LPIN1: variants seen among roughly 807,000 people sequenced by gnomAD.
LPIN1 encodes phosphatidate phosphatase LPIN1.
A neutral mutation model predicts 107.5 loss-of-function variants in LPIN1; 71 were observed. The ratio of observed to expected loss-of-function variants is 0.66; its 90% confidence interval spans 0.55 to 0.80. LPIN1 has a LOEUF of 0.80. Ranked by LOEUF, LPIN1 falls within the 30% of genes least tolerant of loss-of-function variation. The pLI is 0.00. For synonymous variants in LPIN1, 445 were observed against 452.6 expected (o/e 0.98, Z 0.21); for missense variants, 1,043 against 1,160.6 (o/e 0.90, Z 1.47).
intron 1 of LPIN1, among the ~76,000 whole-genome samples, chr2:11,746,928 G>T (rs1420232678): frequency 1.3e-5 from 2 of 152,212 alleles, no homozygotes; most frequent in African/African-American, 2.4e-5. Flanking sequence ...TTCCTGACGC[G>T]CCGCGAGGCC....
chr2:11,736,438 C>T (rs1195395155), intron 1 of LPIN1, among the ~76,000 whole-genome samples: 1 of 152,174 alleles, frequency 6.6e-6, no homozygotes, highest in African/African-American at 2.4e-5. Flanking sequence ...TCCTCCTCTT[C>T]TTATAAGGGC....
At position 11,803,924 on chromosome 2, in the gene LPIN1, A is replaced by G. The variant is rs1678202726; in HGVS notation, c.2014-499A>G. Among the ~76,000 whole-genome samples, 1 of 152,188 alleles carries G rather than the reference A, an allele frequency of 6.6e-6. No homozygotes were observed. The highest frequency in any genetic ancestry group is 6.5e-5 in the Admixed American group (1 of 15,284). On this transcript the variant is annotated intron_variant, in intron 15 of 20. Transcript: ENST00000674199. This position sits in a 1 kb window ranked among gnomAD's most constrained non-coding sequence, Gnocchi z 4.2. ...GGATATGAGGCATGACTGATAACCA[A>G]GACTTCTCTTTTTCCAATTCGTGTC...
chr2:11,705,604 C>T lies in LPIN1; in HGVS notation c.82-8152C>T, dbSNP rs190877271. Among the ~76,000 whole-genome samples, 579 of 152,080 alleles carry T rather than the reference C, an allele frequency of 3.8e-3. 6 individuals carry two copies. The highest frequency in any genetic ancestry group is 0.013 in the African/African-American group (553 of 41,474). ...CTATCCAGTGGAAGCGTGTCTCGGA[C>T]AGGGAGAGTAGCATGTGCAAAGGCT... On this transcript the variant is annotated intron_variant, in intron 1 of 21. Transcript: ENST00000449576.
At position 11,787,392 on chromosome 2, in the gene LPIN1, CTTTTTCTTTTTTT is replaced by C. The variant is rs1348684503; in HGVS notation, c.1643+231_1643+243del. On this transcript the variant is annotated intron_variant, in intron 11 of 20. Coordinates refer to ENST00000674199, the MANE Select transcript of LPIN1 (RefSeq NM_001349206.2). ...AGTCTTGTGAGTTTTCTTTTCTTTTCTTTTTCTTTTTTTTTTTTTTTTTTTTGCGACAAGGTGT... is the reference window on the plus strand; with the variant it reads ...AGTCTTGTGAGTTTTCTTTTCTTTTCTTTTTTTTTTTTTGCGACAAGGTGT... Among the ~76,000 whole-genome samples the C allele has an allele frequency of 1.5e-4, 17 of 113,690 alleles. 1 individual carries two copies. In the East Asian group the frequency reaches 2.1e-3, roughly 14 times the overall value. 74.6% of individuals were successfully genotyped at this position (113,690 alleles called of 152,430 possible).
At chr2:11,689,343 A>G (rs998019022) in intron 1 of LPIN1, among the ~76,000 whole-genome samples, 8 of 152,210 alleles carry the variant, frequency 5.3e-5, no homozygotes, top group African/African-American at 1.9e-4. Flanking sequence ...GAAGTTCTAC[A>G]ATGGACTTTT....
intron 1 of LPIN1, among the ~76,000 whole-genome samples, chr2:11,760,645 C>T (rs552659382): frequency 1.1e-4 from 16 of 151,622 alleles, no homozygotes; most frequent in Admixed American, 5.2e-4. Context: ...AGTCCAGCTT[C>T]GGCTCGGCAT....
rs759076614 is a variant in LPIN1 at position 11,804,447 on chromosome 2, C to T, written c.2038C>T (p.Pro680Ser). 16 of 1,614,028 alleles carry T rather than the reference C, an allele frequency of 9.9e-6. No individual in the cohort carries two copies. The highest frequency in any genetic ancestry group is 1.3e-5 in the Non-Finnish European group (15 of 1,180,048). The change falls in exon 16 of 21, where the codon CCC becomes TCC. Residue 680 changes from proline to serine, a missense_variant. Pro to Ser is a moderately conservative substitution (Grantham distance 74). Transcript: ENST00000674199. Reference sequence around the variant, plus strand: ...GAAAAGCTTGAAGTTGAAGAATGGCCCCAACGACGTGGTTTTCAGTGTCAC... The same window carrying T: ...GAAAAGCTTGAAGTTGAAGAATGGCTCCAACGACGTGGTTTTCAGTGTCAC... ...QLKSLKLKNG[P>S]NDVVFSVTTQ...
chr2:11,795,546 G>A (rs185031888), intron 14 of LPIN1, 59 bp downstream of exon 14: 19 of 1,448,126 alleles, frequency 1.3e-5, no homozygotes, highest in Non-Finnish European at 1.6e-5. Flanking sequence ...AGTTCATGGC[G>A]TGTGCTGCCT....
intron 1 of LPIN1, among the ~76,000 whole-genome samples, chr2:11,700,907 A>C (rs775480837): frequency 2.5e-4 from 38 of 152,228 alleles, no homozygotes; most frequent in Middle Eastern, 3.4e-3. Context: ...TCTGCAACCA[A>C]GACTTGGGTC....
At chr2:11,802,474 A>G (rs1445777578) in intron 14 of LPIN1, among the ~76,000 whole-genome samples, 1 of 152,118 alleles carries the variant, frequency 6.6e-6, no homozygotes, top group African/African-American at 2.4e-5. Context: ...TTGGAGTTGT[A>G]TATTTGGCGA....
At chr2:11,760,686 AGACG>A (rs1289800020) in intron 1 of LPIN1, among the ~76,000 whole-genome samples, 2 of 150,554 alleles carry the variant, frequency 1.3e-5, no homozygotes, top group Admixed American at 1.3e-4. Flanking sequence ...AGGGACAGGG[AGACG>A]GTGGGGAGAG....
intron 11 of LPIN1, among the ~76,000 whole-genome samples, chr2:11,788,153 C>G (rs753165306): frequency 7.2e-5 from 11 of 152,204 alleles, no homozygotes; most frequent in Admixed American, 6.5e-5. Context: ...GCATGTCCAA[C>G]TGTCTGCCCT....
In LPIN1 at chr2:11,795,427, G is replaced by A. The variant is rs1179804012; in HGVS notation, c.1826G>A (p.Cys609Tyr). The change falls in exon 14 of 21, where the codon TGC becomes TAC. Residue 609 changes from cysteine to tyrosine, a missense_variant. Transcript: ENST00000674199. ...TTCTAGGAAAGTAAGCCAGAGCAGT[G>A]CTTGGCTGGCAAGGCCCATAGCACC... is the stretch of plus-strand genomic sequence containing the variant. The part of the protein sequence containing the change: ...TIKEESKPEQ[C>Y]LAGKAHSTGE... The A allele has an allele frequency of 6.2e-7, 1 of 1,613,926 alleles. No homozygotes were observed. The highest frequency in any genetic ancestry group is 1.3e-5 in the African/African-American group (1 of 74,942).
At chr2:11,722,381 A>G (rs1664209021), upstream of LPIN1, 1 of 152,288 alleles carries the variant, frequency 6.6e-6, no homozygotes. Context: ...AGCTTCAGAT[A>G]TCACACTTAG....
At chr2:11,808,877 A>AG (rs1679171627) in intron 17 of LPIN1, among the ~76,000 whole-genome samples, 1 of 150,316 alleles carries the variant, frequency 6.7e-6, no homozygotes, top group African/African-American at 2.4e-5. Flanking sequence ...TCTCAAAAAA[A>AG]AAAAAAAAAG....
chr2:11,753,125 G>T (rs541588892), intron 1 of LPIN1, among the ~76,000 whole-genome samples: 11 of 152,234 alleles, frequency 7.2e-5, no homozygotes, highest in Admixed American at 4.6e-4. Context: ...GGGTGTGCTG[G>T]AGGAGGAGAC....
At chr2:11,728,399 T>G (rs1664870953) in intron 1 of LPIN1, among the ~76,000 whole-genome samples, 1 of 152,188 alleles carries the variant, frequency 6.6e-6, no homozygotes, top group African/African-American at 2.4e-5. Context: ...AAAAAAAATT[T>G]TTAGACAGAG....
chr2:11,790,516 G>A (rs898565247), intron 12 of LPIN1, among the ~76,000 whole-genome samples: 1 of 152,208 alleles, frequency 6.6e-6, no homozygotes, highest in Non-Finnish European at 1.5e-5. Context: ...GACCATTGAG[G>A]TGCATCCTCT....
At chr2:11,726,883 A>C (rs1290846146) in intron 1 of LPIN1, among the ~76,000 whole-genome samples, 3 of 152,124 alleles carry the variant, frequency 2.0e-5, no homozygotes, top group Non-Finnish European at 4.4e-5. Flanking sequence ...CTTGTCAGTC[A>C]TCTTGTTAGA....
Sources: gnomAD v4.1 joint callset for allele counts (sites outside exome capture counted in the v4.1 genomes callset) on GRCh38, gnomAD v4.1.1 for gene constraint, Gnocchi (gnomAD v3.1) non-coding constraint, MANE v1.5 for transcripts, NCBI Gene and HGNC (gene_info 2026-07-23, HGNC 2026-07-21) for gene names.